The following RBFOX1 variants were observed in gnomAD, a reference collection of about 807,000 sequenced individuals.
The protein encoded by RBFOX1 is RNA binding protein fox-1 homolog 1.
A neutral mutation model predicts 57.7 loss-of-function variants in RBFOX1; 8 were observed. The ratio of observed to expected loss-of-function variants is 0.14; its 90% CI spans 0.08 to 0.25. RBFOX1 has a LOEUF of 0.25. Ranked by LOEUF, RBFOX1 falls within the 10% of genes least tolerant of loss-of-function variation. RBFOX1 has a pLI of 1.00. For missense variants in RBFOX1, 611 were observed against 548.5 expected, an observed-to-expected ratio of 1.11 and a Z score of -1.14; for synonymous variants, 326 against 222.4, an observed-to-expected ratio of 1.47 and a Z score of -4.15.
intron 2 of RBFOX1, among the ~76,000 whole-genome samples, chr16:6,602,280 C>G (rs1411011662): frequency 2.0e-5 from 3 of 152,120 alleles, no homozygotes; most frequent in Non-Finnish European, 4.4e-5. Context: ...TGCCTTTTCA[C>G]TCTTTTAATA....
intron 4 of RBFOX1, among the ~76,000 whole-genome samples, chr16:7,236,908 A>T (rs1603427526): frequency 6.6e-6 from 1 of 152,260 alleles, no homozygotes. Context: ...GAGGATTTCT[A>T]GCAACATTAC....
intron 4 of RBFOX1, among the ~76,000 whole-genome samples, chr16:7,457,166 T>A (rs1211424390): frequency 6.6e-6 from 1 of 152,044 alleles, no homozygotes; most frequent in Non-Finnish European, 1.5e-5. Context: ...GGATTACAGG[T>A]GTGAGCCACC....
intron 5 of RBFOX1, among the ~76,000 whole-genome samples, chr16:7,567,449 C>A: frequency 8.6e-6 from 1 of 116,448 alleles, no homozygotes; most frequent in Non-Finnish European, 1.7e-5. Context: ...ATATATATCC[C>A]TATGTATGGC....
Position 7,007,146 on chromosome 16 carries a change from C to A in RBFOX1, c.-15-44911C>A, listed in dbSNP as rs189835635. On this transcript the variant is annotated intron_variant, in intron 3 of 15. Coordinates refer to ENST00000550418, the MANE Select transcript of RBFOX1 (RefSeq NM_018723.4). ...TCTGGGAAGAGTCCATTTTCAAACT[C>A]CTTCAGGTTGCCAGCAAAATTTATT... Among the ~76,000 whole-genome samples the A allele has an allele frequency of 3.3e-5, 5 of 152,202 alleles. No homozygotes were observed. The East Asian group carries it at 7.7e-4, about 23-fold the overall frequency.
chr16:7,291,525 A>G (rs1289761257), intron 4 of RBFOX1, among the ~76,000 whole-genome samples: 1 of 152,176 alleles, frequency 6.6e-6, no homozygotes, highest in South Asian at 2.1e-4. Context: ...CAGAGCAGCA[A>G]AGGAAGATGT....
intron 4 of RBFOX1, among the ~76,000 whole-genome samples, chr16:7,306,830 AGT>A (rs2096200514): frequency 3.9e-5 from 6 of 152,182 alleles, no homozygotes; most frequent in Admixed American, 3.9e-4. Context: ...GCTGATTAAG[AGT>A]GTGAAATAGT....
chr16:5,978,339 AT>A (rs2060108194), intron 4 of RBFOX1, among the ~76,000 whole-genome samples: 1 of 151,714 alleles, frequency 6.6e-6, no homozygotes, highest in African/African-American at 2.4e-5. Context: ...AAAATAAAAA[AT>A]AAAAAAAATA....
chr16:7,510,396 G>C (rs2074708610), intron 4 of RBFOX1: 3 of 938,776 alleles, frequency 3.2e-6, no homozygotes, highest in Non-Finnish European at 3.8e-6. Flanking sequence ...TGTTAAGTCC[G>C]TGCTGTCGGT....
At chr16:6,456,294 G>T (rs1307851633) in intron 2 of RBFOX1, among the ~76,000 whole-genome samples, 2 of 152,124 alleles carry the variant, frequency 1.3e-5, no homozygotes, top group African/African-American at 2.4e-5. Context: ...GTGTAAGAGT[G>T]TGCATCTATT....
chr16:7,145,966 T>G (rs1055469913), intron 4 of RBFOX1, among the ~76,000 whole-genome samples: 1 of 152,152 alleles, frequency 6.6e-6, no homozygotes, highest in African/African-American at 2.4e-5. Flanking sequence ...TACCTTCCTT[T>G]CTCTGCAACT....
At chr16:5,802,042 T>C (rs949374275) in intron 3 of RBFOX1, among the ~76,000 whole-genome samples, 1 of 152,102 alleles carries the variant, frequency 6.6e-6, no homozygotes, top group African/African-American at 2.4e-5. Flanking sequence ...ACGGGGCCTC[T>C]TTATAGATTA....
chr16:7,363,302 C>G (rs1374107168), intron 4 of RBFOX1, among the ~76,000 whole-genome samples: 2 of 152,134 alleles, frequency 1.3e-5, no homozygotes, highest in Non-Finnish European at 2.9e-5. Context: ...GAAATCCTGT[C>G]TCCCATCTAA....
intron 2 of RBFOX1, among the ~76,000 whole-genome samples, chr16:6,647,502 A>T (rs193197635): frequency 3.3e-5 from 5 of 151,890 alleles, no homozygotes; most frequent in African/African-American, 1.2e-4. Context: ...CCTGCCTTAG[A>T]CTCCCAAAGT....
intron 4 of RBFOX1, among the ~76,000 whole-genome samples, chr16:7,094,495 T>G (rs962490575): frequency 6.6e-6 from 1 of 152,168 alleles, no homozygotes; most frequent in African/African-American, 2.4e-5. Context: ...CTGGATAGAA[T>G]ACATCATTGC....
intron 2 of RBFOX1, among the ~76,000 whole-genome samples, chr16:6,332,157 C>A (rs1442854225): frequency 6.6e-6 from 1 of 152,090 alleles, no homozygotes; most frequent in Non-Finnish European, 1.5e-5. Context: ...AAGGGGTGGC[C>A]TGCCTCATTT....
intron 3 of RBFOX1, among the ~76,000 whole-genome samples, chr16:5,658,870 T>C (rs936677307): frequency 3.5e-5 from 5 of 144,634 alleles, no homozygotes; most frequent in Admixed American, 1.4e-4. Flanking sequence ...TGTGTGTATA[T>C]GTATAAATAT....
At chr16:6,736,659 A>T (rs1603480771) in intron 3 of RBFOX1, among the ~76,000 whole-genome samples, 1 of 152,194 alleles carries the variant, frequency 6.6e-6, no homozygotes, top group African/African-American at 2.4e-5. Flanking sequence ...ACATCTTTTC[A>T]TCTGGGTAGA....
At chr16:5,855,449 A>C (rs2057000736) in intron 3 of RBFOX1, among the ~76,000 whole-genome samples, 1 of 152,156 alleles carries the variant, frequency 6.6e-6, no homozygotes, top group Admixed American at 6.5e-5. Context: ...GTGGATATCC[A>C]GTTTTCCCCA....
chr16:5,606,725 CAGGT>C (rs1350747247), intron 3 of RBFOX1, among the ~76,000 whole-genome samples: 2 of 152,036 alleles, frequency 1.3e-5, no homozygotes, highest in African/African-American at 2.4e-5. Context: ...GTAGTGCAAA[CAGGT>C]AGGGAAGGCT....
Sources: allele counts gnomAD v4.1 joint callset (sites outside exome capture counted in the v4.1 genomes callset), GRCh38; gene constraint gnomAD v4.1.1; transcripts MANE v1.5; gene names NCBI Gene and HGNC (gene_info 2026-07-23, HGNC 2026-07-21).